PARP1: variants seen among roughly 807,000 people sequenced by gnomAD.
PARP1 encodes the protein poly [ADP-ribose] polymerase 1.
A neutral mutation model predicts 118.7 loss-of-function variants in PARP1; 44 were observed. The observed-to-expected ratio is 0.37, with a 90% CI of 0.29 to 0.48. The LOEUF (loss-of-function observed/expected upper bound fraction) is 0.48. Among genes scored for constraint, PARP1 ranks in the 20% least tolerant of loss-of-function variants. The probability of loss-of-function intolerance (pLI) is 0.99; values close to 1 mark genes in which losing one functional copy is unlikely to be tolerated. For synonymous variants in PARP1, 492 were observed against 483.2 expected (o/e 1.02, Z -0.24); for missense variants, 1,100 against 1,272.4 (o/e 0.86, Z 2.06).
At chr1:226,382,700 G>T (rs1043389369) in intron 8 of PARP1, among the ~76,000 whole-genome samples, 5 of 152,172 alleles carry the variant, frequency 3.3e-5, no homozygotes, top group African/African-American at 1.2e-4. Flanking sequence ...AAACATTTTT[G>T]TAGAGATGGG....
At chr1:226,363,865 G>A (rs1448407598) in intron 20 of PARP1, 78 bp downstream of exon 20, 20 of 1,511,966 alleles carry the variant, frequency 1.3e-5, no homozygotes, top group Non-Finnish European at 1.7e-5. Flanking sequence ...TACTCTCCCA[G>A]CCAAGGGGAG....
At chr1:226,388,635 G>T in intron 5 of PARP1, 21 bp downstream of exon 5, 1 of 1,472,882 alleles carries the variant, frequency 6.8e-7, no homozygotes, top group Non-Finnish European at 9.5e-7. Context: ...GTCGAAAGGA[G>T]ACACAGAGCT....
At chr1:226,397,232 G>A (rs1413614740) in intron 2 of PARP1, among the ~76,000 whole-genome samples, 1 of 151,962 alleles carries the variant, frequency 6.6e-6, no homozygotes, top group Non-Finnish European at 1.5e-5. Flanking sequence ...GACGTGGGAG[G>A]ATTGCTTGAG....
intron 1 of PARP1, among the ~76,000 whole-genome samples, chr1:226,405,081 T>C (rs780772280): frequency 6.6e-6 from 1 of 152,216 alleles, no homozygotes; most frequent in Non-Finnish European, 1.5e-5. Flanking sequence ...TACTCCCATG[T>C]AAATGTAAAA....
rs1322769769 is a variant in PARP1, at chr1:226,388,812, A to G, written c.618-57T>C. On this transcript the variant is annotated intron_variant, in intron 4 of 22. Coordinates refer to ENST00000366794, the MANE Select transcript of PARP1 (RefSeq NM_001618.4). ...AGAGCCATTAAAAGTCTGACACCCA[A>G]TGACTTGCGGTGATGCAGTATCTTA... The G allele has an allele frequency of 1.3e-5, 17 of 1,310,490 alleles. No individual in the cohort carries two copies. The East Asian group carries it at 2.8e-4, about 21-fold the overall frequency. 81.2% of individuals were successfully genotyped at this position (1,310,490 alleles called of 1,614,324 possible).
At chr1:226,372,918 G>A (rs1033215369) in intron 14 of PARP1, among the ~76,000 whole-genome samples, 1 of 152,132 alleles carries the variant, frequency 6.6e-6, no homozygotes, top group African/African-American at 2.4e-5. Flanking sequence ...CCACCCATAA[G>A]TTGTTCACAC....
At chr1:226,370,399 G>A in intron 15 of PARP1, 35 bp downstream of exon 15, 4 of 1,525,118 alleles carry the variant, frequency 2.6e-6, no homozygotes, top group Non-Finnish European at 3.6e-6. Flanking sequence ...GGCCAGAGGA[G>A]GGTTCCAGGA....
chr1:226,381,540 C>T lies in PARP1; in HGVS notation c.1160-332G>A, dbSNP rs3219075. ...CATCTGCGGACGAGGGACCAGGAGG[C>T]TGGAGTCGGATGGGAAGAGGGGTAA... On this transcript the variant is annotated intron_variant, in intron 8 of 22. Transcript: ENST00000366794. 4.7e-3 allele frequency among the ~76,000 whole-genome samples: 694 copies of T among 147,372 alleles called. 27 individuals are homozygous for T. In the South Asian group the frequency reaches 0.086, roughly 18 times the overall value.
chr1:226,363,794 T>G, intron 20 of PARP1, 149 bp downstream of exon 20: 1 of 836,062 alleles, frequency 1.2e-6, no homozygotes, highest in Non-Finnish European at 2.0e-6. Context: ...TGAATTGGAT[T>G]CTGCTACTTA....
intron 12 of PARP1, 70 bp downstream of exon 12, chr1:226,379,072 T>C (rs1664550058): frequency 1.9e-6 from 3 of 1,594,240 alleles, no homozygotes; most frequent in African/African-American, 1.3e-5. Flanking sequence ...ACAAGGCTGA[T>C]GGCACAGCAC....
chr1:226,401,434 G>A (rs568464861), intron 2 of PARP1, among the ~76,000 whole-genome samples: 7 of 152,330 alleles, frequency 4.6e-5, no homozygotes, highest in South Asian at 4.1e-4. Context: ...TGCAAATTAA[G>A]GGGCAGACTA....
chr1:226,370,811 T>C lies in PARP1; in HGVS notation c.2071-294A>G, dbSNP rs1015247745. ...AGTCCAGCACGTCTGGACGAAGATA[T>C]AGCATAATTCCCATCCAATTCTGAT... On this transcript the variant is annotated intron_variant, in intron 14 of 22. Transcript: ENST00000366794. The C allele has an allele frequency of 9.1e-6, 4 of 437,672 alleles. No individual in the cohort carries two copies. In the Admixed American group the frequency reaches 1.0e-4, roughly 11 times the overall value. 27.1% of individuals were successfully genotyped at this position (437,672 alleles called of 1,614,324 possible).
At chr1:226,383,771 T>C (rs1484638602) in intron 7 of PARP1, among the ~76,000 whole-genome samples, 1 of 152,216 alleles carries the variant, frequency 6.6e-6, no homozygotes, top group African/African-American at 2.4e-5. Flanking sequence ...GGCCTTGCTC[T>C]AAATGGTCAC....
At chr1:226,391,247 A>AG (rs1558240738) in intron 3 of PARP1, among the ~76,000 whole-genome samples, 1 of 151,924 alleles carries the variant, frequency 6.6e-6, no homozygotes, top group Non-Finnish European at 1.5e-5. Context: ...CCCCCAATGC[A>AG]GCACTTTTGT....
intron 1 of PARP1, among the ~76,000 whole-genome samples, chr1:226,404,367 T>C (rs1283921883): frequency 2.6e-5 from 4 of 152,242 alleles, no homozygotes; most frequent in Non-Finnish European, 5.9e-5. Flanking sequence ...CTGGCTATCA[T>C]GGAATATTTG....
intron 15 of PARP1, among the ~76,000 whole-genome samples, chr1:226,369,683 G>T (rs1468910575): frequency 6.6e-6 from 1 of 152,170 alleles, no homozygotes; most frequent in Non-Finnish European, 1.5e-5. Flanking sequence ...GGCCAGGTGT[G>T]GTGGCTCATG....
chr1:226,392,092 T>C (rs757006573), intron 3 of PARP1, 107 bp downstream of exon 3: 3 of 798,992 alleles, frequency 3.8e-6, no homozygotes, highest in Non-Finnish European at 6.7e-6. Flanking sequence ...TCACTTACGT[T>C]GAGCTAGCAC....
At position 226,374,832 on chromosome 1, in the gene PARP1, A is replaced by G. The variant is rs192645109; in HGVS notation, c.1942-478T>C. Among the ~76,000 whole-genome samples, 88 of 152,316 alleles carry G rather than the reference A, an allele frequency of 5.8e-4. No homozygotes were observed. The East Asian group carries it at 0.013, about 22-fold the overall frequency. ...TTTATATAGCCTTCTCTAAATTCCC[A>G]AAGTACCAAGCAACCAGTCCCATGC... is the stretch of plus-strand genomic sequence containing the variant. On this transcript the variant is annotated intron_variant, in intron 13 of 22. Transcript: ENST00000366794.
intron 22 of PARP1, 22 bp downstream of exon 22, chr1:226,361,947 C>T (rs777904106): frequency 2.9e-6 from 4 of 1,371,614 alleles, no homozygotes; most frequent in Non-Finnish European, 4.2e-6. Context: ...TGTGCTCACA[C>T]AGCATACTCA....
Sources: allele counts gnomAD v4.1 joint callset (sites outside exome capture counted in the v4.1 genomes callset), GRCh38; gene constraint gnomAD v4.1.1; transcripts MANE v1.5; gene names NCBI Gene and HGNC (gene_info 2026-07-23, HGNC 2026-07-21).